PRKN: variants seen among roughly 807,000 people sequenced by gnomAD.
PRKN encodes E3 ubiquitin-protein ligase parkin.
A neutral mutation model predicts 59.5 loss-of-function variants in PRKN; 56 were observed. The ratio of observed to expected loss-of-function variants is 0.94; its 90% CI spans 0.76 to 1.18. The LOEUF (loss-of-function observed/expected upper bound fraction) is 1.18. Ranked by LOEUF, PRKN falls within the 50% of genes most tolerant of loss-of-function variation. The pLI is 0.00. For missense variants in PRKN, 657 were observed against 596.4 expected (o/e 1.10, Z -1.06); for synonymous variants, 250 against 222.1 (o/e 1.13, Z -1.12).
intron 9 of PRKN, among the ~76,000 whole-genome samples, chr6:161,408,379 T>G (rs1412489221): frequency 6.8e-6 from 1 of 147,702 alleles, no homozygotes; most frequent in Non-Finnish European, 1.5e-5. Context: ...TGCGGACATG[T>G]GGGTTTGCGT....
intron 9 of PRKN, among the ~76,000 whole-genome samples, chr6:161,439,235 C>G (rs1242753617): frequency 6.6e-6 from 1 of 152,164 alleles, no homozygotes; most frequent in East Asian, 1.9e-4. Context: ...TAGTCCCGGG[C>G]TCACGGCAGA....
At chr6:162,606,775 G>A (rs1001818355) in intron 1 of PRKN, among the ~76,000 whole-genome samples, 10 of 152,148 alleles carry the variant, frequency 6.6e-5, no homozygotes, top group Admixed American at 3.3e-4. Context: ...GGGGTGCAGT[G>A]GTGCAACCTT....
intron 9 of PRKN, among the ~76,000 whole-genome samples, chr6:161,541,551 T>C (rs925028650): frequency 2.0e-5 from 3 of 152,236 alleles, no homozygotes; most frequent in African/African-American, 7.2e-5. Context: ...TCAGGTGCGG[T>C]GGCTCACGCC....
In PRKN at chr6:162,517,431, T is replaced by C. The variant is rs1442171202; in HGVS notation, c.8-73958A>G. On this transcript the variant is annotated intron_variant, in intron 1 of 11. Transcript: ENST00000366898. ...CCCGACTAATTTGTTTTTTTTTTTG[T>C]ATTTTTAGTAGAGACGGGGTTTCAC... Among the ~76,000 whole-genome samples, 6 of 150,654 alleles carry C rather than the reference T, an allele frequency of 4.0e-5. No individual in the cohort carries two copies. In the South Asian group the frequency reaches 8.5e-4, roughly 21 times the overall value.
At chr6:162,297,676 A>C (rs977303589) in intron 2 of PRKN, among the ~76,000 whole-genome samples, 2 of 152,160 alleles carry the variant, frequency 1.3e-5, no homozygotes, top group Non-Finnish European at 2.9e-5. Context: ...AAATATTCTT[A>C]TTATTAAGTT....
At chr6:162,380,468 TGTGTGTATATATATGTATATATACACAC>T (rs1786396851) in intron 2 of PRKN, among the ~76,000 whole-genome samples, 1 of 56,658 alleles carries the variant, frequency 1.8e-5, no homozygotes, top group South Asian at 5.2e-4. Flanking sequence ...CACATATATA[TGTGTGTATATATATGTATATATACACAC>T]ATATATATGT....
At chr6:162,379,768 A>G (rs1440740331) in intron 2 of PRKN, among the ~76,000 whole-genome samples, 1 of 152,210 alleles carries the variant, frequency 6.6e-6, no homozygotes, top group African/African-American at 2.4e-5. Flanking sequence ...TGAGCAGACA[A>G]TAGATTTTAA....
chr6:161,814,341 G>A (rs907992423), intron 6 of PRKN, among the ~76,000 whole-genome samples: 5 of 152,182 alleles, frequency 3.3e-5, no homozygotes, highest in African/African-American at 4.8e-5. Context: ...GACCAAAGAG[G>A]TTTCTAAAGA....
intron 5 of PRKN, among the ~76,000 whole-genome samples, chr6:161,985,693 G>A (rs546423693): frequency 6.6e-6 from 1 of 152,122 alleles, no homozygotes; most frequent in Non-Finnish European, 1.5e-5. Flanking sequence ...TCACTGTCTG[G>A]GTTAATTATC....
rs572751148 is a variant in PRKN at position 162,559,323 on chromosome 6, G to T, written c.8-115850C>A. 1.6e-4 allele frequency among the ~76,000 whole-genome samples: 24 copies of T among 152,116 alleles called. No homozygotes were observed. In the East Asian group the frequency reaches 3.9e-3, roughly 25 times the overall value. On this transcript the variant is annotated intron_variant, in intron 1 of 11. Coordinates refer to ENST00000366898, the MANE Select transcript of PRKN (RefSeq NM_004562.3). ...AGGCTGATTTGCAGGTAAAATTTTT[G>T]TTCTATCAAAACCTTAAAAACCACA...
intron 7 of PRKN, among the ~76,000 whole-genome samples, chr6:161,759,437 G>A (rs1789096388): frequency 6.6e-6 from 1 of 152,120 alleles, no homozygotes; most frequent in Non-Finnish European, 1.5e-5. Context: ...CATTAAAAAT[G>A]AAAGACTAAT....
Position 161,361,439 on chromosome 6 carries a change from C to T in PRKN, c.1168-1234G>A, listed in dbSNP as rs1216709071. On this transcript the variant is annotated intron_variant, in intron 10 of 11. Transcript: ENST00000366898. The surrounding 1 kb of genome is among the most constrained non-coding windows in gnomAD (Gnocchi z 5.2). Reference sequence around the variant, plus strand: ...CAGCAGGCGATCAGTACATTTCAGGCAAGTGAATGAATGAATGACGCAGCC... The same window carrying T: ...CAGCAGGCGATCAGTACATTTCAGGTAAGTGAATGAATGAATGACGCAGCC... 3.3e-5 allele frequency among the ~76,000 whole-genome samples: 5 copies of T among 152,158 alleles called. No homozygotes were observed. Among genetic ancestry groups the T allele is most frequent in the African/African-American group, 1.2e-4 (5 of 41,448 alleles).
chr6:162,420,495 C>T (rs1488053170), intron 2 of PRKN, among the ~76,000 whole-genome samples: 3 of 152,138 alleles, frequency 2.0e-5, no homozygotes, highest in African/African-American at 7.2e-5. Context: ...TTGCCTGCAT[C>T]CAGCCAGCAG....
In PRKN at chr6:161,460,342, G is replaced by A. The variant is rs1790146810; in HGVS notation, c.1084-73465C>T. Among the ~76,000 whole-genome samples the A allele has an allele frequency of 6.6e-6, 1 of 152,120 alleles. No individual in the cohort carries two copies. The highest frequency in any genetic ancestry group is 2.4e-5 in the African/African-American group (1 of 41,424). ...GGGTTAGATATTGCTTGGGAATAAT[G>A]GGCAAAGGAGGTGCCATACTCCCTC... is the stretch of plus-strand genomic sequence containing the variant. On this transcript the variant is annotated intron_variant, in intron 9 of 11. Transcript: ENST00000366898. The surrounding 1 kb of genome is among the most constrained non-coding windows in gnomAD (Gnocchi z 5.0).
intron 5 of PRKN, among the ~76,000 whole-genome samples, chr6:162,015,027 T>C: frequency 6.6e-6 from 1 of 152,158 alleles, no homozygotes; most frequent in South Asian, 2.1e-4. Flanking sequence ...GTAGAAAACA[T>C]GAAATTTAAA....
intron 2 of PRKN, among the ~76,000 whole-genome samples, chr6:162,430,233 C>A (rs1037449428): frequency 6.6e-6 from 1 of 152,172 alleles, no homozygotes; most frequent in East Asian, 1.9e-4. Flanking sequence ...GGTGTTACAA[C>A]GTACAAGGCA....
chr6:162,119,634 C>T (rs527250625), intron 4 of PRKN, among the ~76,000 whole-genome samples: 11 of 152,040 alleles, frequency 7.2e-5, no homozygotes, highest in Non-Finnish European at 1.3e-4. Flanking sequence ...GTTTTTTCCC[C>T]TCCTCTGGCT....
intron 9 of PRKN, among the ~76,000 whole-genome samples, chr6:161,455,333 G>A (rs76000632): frequency 0.048 from 7,239 of 152,080 alleles, 191 homozygotes; most frequent in African/African-American, 0.068. Context: ...CACCACGCCC[G>A]GCCTGACACG....
intron 1 of PRKN, among the ~76,000 whole-genome samples, chr6:162,541,170 T>C (rs563184573): frequency 1.3e-5 from 2 of 152,268 alleles, no homozygotes; most frequent in South Asian, 2.1e-4. Flanking sequence ...CAATGGTGTA[T>C]AAAGCTGCCA....
Sources: allele counts gnomAD v4.1 joint callset (sites outside exome capture counted in the v4.1 genomes callset), GRCh38; gene constraint gnomAD v4.1.1; non-coding constraint Gnocchi (gnomAD v3.1); transcripts MANE v1.5; gene names NCBI Gene and HGNC (gene_info 2026-07-23, HGNC 2026-07-21).